Variants in RPL5 observed in about 807,000 individuals in gnomAD.
The protein encoded by RPL5 is large ribosomal subunit protein uL18.
In RPL5, 1 loss-of-function variant was observed where a neutral mutation model predicts 38.4. The observed-to-expected ratio is 0.03, with a 90% confidence interval of 0.01 to 0.12. RPL5 has a LOEUF of 0.12. RPL5 is among the 10% of genes least tolerant of loss of function. The pLI, the probability that RPL5 is intolerant of heterozygous loss-of-function variation, is 1.00. For missense variants in RPL5, 243 were observed against 374.1 expected, an observed-to-expected ratio of 0.65 and a Z score of 2.89; for synonymous variants, 109 against 121.2, an observed-to-expected ratio of 0.90 and a Z score of 0.66.
Position 92,836,623 on chromosome 1 carries a change from G to T in RPL5, c.527+231G>T, listed in dbSNP as rs1687140204. On this transcript the variant is annotated intron_variant, in intron 5 of 7. Coordinates refer to ENST00000370321, the MANE Select transcript of RPL5 (RefSeq NM_000969.5). Reference sequence around the variant, plus strand: ...TCCCAAGTTTTTCGGGCCAGTTATTGAAAGAGATGGGATTGAAACCACTAC... The same window carrying T: ...TCCCAAGTTTTTCGGGCCAGTTATTTAAAGAGATGGGATTGAAACCACTAC... The T allele has an allele frequency of 3.0e-5, 16 of 537,986 alleles. No individual in the cohort carries two copies. The South Asian group carries it at 3.0e-4, about 10-fold the overall frequency. The allele number at this position is 537,986 out of a possible 1,614,324, so 33.3% of individuals were successfully genotyped here.
chr1:92,841,757 C>A lies in RPL5; in HGVS notation c.795-9C>A, dbSNP rs748765097. 8.5e-5 allele frequency: 135 copies of A among 1,590,376 alleles called. 2 individuals are homozygous for A. In the South Asian group the frequency reaches 1.5e-3, roughly 17 times the overall value. ...TAGTTTAAAAAATATATATTCCTATCTTTTGTAGGTGGAACCGTCCCAAAA... is the reference window on the plus strand; with the variant it reads ...TAGTTTAAAAAATATATATTCCTATATTTTGTAGGTGGAACCGTCCCAAAA... On this transcript the variant is annotated splice_polypyrimidine_tract_variant and intron_variant, in intron 7 of 7. Coordinates refer to ENST00000370321, the MANE Select transcript of RPL5 (RefSeq NM_000969.5).
chr1:92,832,666 C>T (rs79480497), intron 1 of RPL5: 18 of 328,604 alleles, frequency 5.5e-5, no homozygotes, highest in Non-Finnish European at 9.5e-5. Flanking sequence ...CCCTGGGCCC[C>T]GGAAGCTCCT....
intron 7 of RPL5, chr1:92,840,850 T>C: frequency 1.5e-6 from 1 of 685,856 alleles, no homozygotes. Flanking sequence ...CCTAGTACAG[T>C]CTAAGTACTG....
At position 92,841,800 on chromosome 1, in the gene RPL5, A is replaced by G; in HGVS notation, c.829A>G (p.Lys277Glu). The G allele has an allele frequency of 6.2e-7, 1 of 1,611,760 alleles. No homozygotes were observed. Among genetic ancestry groups the G allele is most frequent in the Non-Finnish European group, 8.5e-7 (1 of 1,179,732 alleles). The change falls in exon 8 of 8, where the codon AAG becomes GAG. Residue 277 changes from lysine (K) to glutamate (E), a missense_variant. Lys to Glu is a moderately conservative substitution (Grantham distance 56). Coordinates refer to ENST00000370321, the MANE Select transcript of RPL5 (RefSeq NM_000969.5). ...NRPKMSLAQK[K>E]DRVAQKKASF... Reference sequence around the variant, plus strand: ...TCCCAAAATGTCCCTTGCTCAGAAGAAGGATCGGGTAGCTCAAAAGAAGGC... The same window carrying G: ...TCCCAAAATGTCCCTTGCTCAGAAGGAGGATCGGGTAGCTCAAAAGAAGGC...
intron 1 of RPL5, chr1:92,832,985 T>C (rs1686968978): frequency 1.4e-6 from 1 of 732,468 alleles, no homozygotes; most frequent in Non-Finnish European, 2.5e-6. Context: ...CACTGATTGC[T>C]GTCTGGAGCA....
At chr1:92,832,762 T>G in intron 1 of RPL5, 1 of 483,904 alleles carries the variant, frequency 2.1e-6, no homozygotes, top group Non-Finnish European at 3.7e-6. Context: ...GCCCCAAGGG[T>G]GGGATGAAAT....
intron 5 of RPL5, 41 bp from the exon 6 acceptor site, chr1:92,837,415 T>C: frequency 6.5e-7 from 1 of 1,549,636 alleles, no homozygotes; most frequent in South Asian, 1.1e-5. Context: ...GTAAACTAAG[T>C]TAAGTGAGTC....
chr1:92,840,793 G>A, intron 7 of RPL5, 154 bp downstream of exon 7: 1 of 742,518 alleles, frequency 1.3e-6, no homozygotes, highest in South Asian at 1.4e-5. Context: ...TAACTGTGGT[G>A]ATGGAAATGT....
rs768965548 is a variant in RPL5, at chr1:92,833,403, T to A, written c.18T>A (p.Val6=). 8 of 1,612,972 alleles carry A rather than the reference T, an allele frequency of 5.0e-6. No homozygotes were observed. Among genetic ancestry groups the A allele is most frequent in the Non-Finnish European group, 6.8e-6 (8 of 1,179,096 alleles). The change falls in exon 2 of 8, where the codon GTT becomes GTA. Residue 6 remains valine, a synonymous_variant. Coordinates refer to ENST00000370321, the MANE Select transcript of RPL5 (RefSeq NM_000969.5). ...TTTTCTTTAAGGGGTTTGTTAAAGT[T>A]GTTAAGAATAAGGCCTACTTTAAGA... MGFVK[V]VKNKAYFKRY...
At chr1:92,835,596 G>A (rs1383612951) in intron 4 of RPL5, among the ~76,000 whole-genome samples, 1 of 146,930 alleles carries the variant, frequency 6.8e-6, no homozygotes, top group Non-Finnish European at 1.5e-5. Context: ...GAAGGCAGAG[G>A]TTGCAGTGAG....
intron 6 of RPL5, 166 bp downstream of exon 6, chr1:92,837,799 C>T: frequency 3.1e-6 from 2 of 637,832 alleles, no homozygotes; most frequent in Non-Finnish European, 5.5e-6. Flanking sequence ...GTGTGGGAGA[C>T]TTCAAGCATC....
intron 3 of RPL5, among the ~76,000 whole-genome samples, chr1:92,834,323 C>G (rs1046517504): frequency 6.6e-6 from 1 of 152,264 alleles, no homozygotes; most frequent in Middle Eastern, 3.4e-3. Flanking sequence ...CATGAAAGAC[C>G]TTTAGGAAGT....
rs746539975 is a variant in RPL5, at chr1:92,832,083, C to A, written c.-32C>A. 2 of 1,613,850 alleles carry A rather than the reference C, an allele frequency of 1.2e-6. No homozygotes were observed. Among genetic ancestry groups the A allele is most frequent in the South Asian group, 1.1e-5 (1 of 91,014 alleles). ...CGCCGCTGGGCCTGCAGGTCTCTGT[C>A]GAGCAGCGGACGCCGGTCTCTGTTC... is the stretch of plus-strand genomic sequence containing the variant. On this transcript the variant is annotated 5_prime_UTR_variant, in exon 1 of 8. Transcript: ENST00000370321.
chr1:92,832,253 T>G, intron 1 of RPL5, 136 bp downstream of exon 1: 1 of 1,407,884 alleles, frequency 7.1e-7, no homozygotes, highest in East Asian at 2.5e-5. Context: ...TTGGTCGAGG[T>G]GCAGTTCCCA....
chr1:92,841,349 T>C (rs1278682133), intron 7 of RPL5, among the ~76,000 whole-genome samples: 1 of 152,240 alleles, frequency 6.6e-6, no homozygotes, highest in Admixed American at 6.5e-5. Context: ...TGACAGAATT[T>C]CCATCATTTT....
intron 1 of RPL5, chr1:92,833,128 G>T: frequency 1.5e-6 from 1 of 675,796 alleles, no homozygotes; most frequent in South Asian, 1.6e-5. Context: ...ATAAATTGGG[G>T]CCTGCATTTT....
intron 5 of RPL5, chr1:92,836,760 T>G: frequency 4.4e-6 from 1 of 228,778 alleles, no homozygotes; most frequent in East Asian, 1.1e-4. Context: ...TGCAAAAAGG[T>G]GGATCCTAGA....
chr1:92,839,183 A>G (rs755460897), intron 6 of RPL5, among the ~76,000 whole-genome samples: 3 of 151,642 alleles, frequency 2.0e-5, no homozygotes, highest in Admixed American at 6.6e-5. Context: ...ATATGGTGAA[A>G]CCCTGTCTCT....
intron 5 of RPL5, 33 bp from the exon 6 acceptor site, chr1:92,837,423 G>A: frequency 6.3e-7 from 1 of 1,575,104 alleles, no homozygotes; most frequent in Non-Finnish European, 8.7e-7. Context: ...AGTTAAGTGA[G>A]TCTATACTAA....
Sources: gnomAD v4.1 joint callset for allele counts (sites outside exome capture counted in the v4.1 genomes callset) on GRCh38, gnomAD v4.1.1 for gene constraint, MANE v1.5 for transcripts, NCBI Gene and HGNC (gene_info 2026-07-23, HGNC 2026-07-21) for gene names.